Variants in MIGA1 observed in about 807,000 individuals in gnomAD.
The protein encoded by MIGA1 is mitoguardin 1.
MIGA1 carries 58 observed loss-of-function variants against 82.0 expected under a neutral mutation model. That is an observed-to-expected ratio of 0.71 (90% CI 0.57 to 0.88). The LOEUF (loss-of-function observed/expected upper bound fraction) is 0.88, where lower values mean the gene tolerates loss of function less well. MIGA1 is among the 40% of genes least tolerant of loss of function. The probability of loss-of-function intolerance (pLI) is 0.00; values close to 1 mark genes in which losing one functional copy is unlikely to be tolerated. For missense variants in MIGA1, 751 were observed against 749.1 expected (o/e 1.00, Z -0.03); for synonymous variants, 249 against 253.6 (o/e 0.98, Z 0.17).
In MIGA1 at chr1:77,872,987, C is replaced by G. The variant is rs747392209; in HGVS notation, c.1564-17C>G. The G allele has an allele frequency of 5.0e-6, 8 of 1,613,244 alleles. No individual in the cohort carries two copies. In the Admixed American group the frequency reaches 1.3e-4, roughly 27 times the overall value. ...AAGAAGGTAGAAGTAACTTGATTCT[C>G]CTTTACTTCCCAGCAGATCCCAGAT... On this transcript the variant is annotated splice_polypyrimidine_tract_variant and intron_variant, in intron 14 of 15. Coordinates refer to ENST00000370791, the MANE Select transcript of MIGA1 (RefSeq NM_198549.4).
In MIGA1 at chr1:77,801,350, C is replaced by A; in HGVS notation, c.215C>A (p.Ala72Asp). ...TTCCAGATCAAATTTTCTCCGGTGG[C>A]TAAAAAGTTGTTTGTGGTAACTGCA... The change falls in exon 3 of 16, where the codon GCT becomes GAT. Residue 72 changes from alanine (A) to aspartate (D), a missense_variant. Transcript: ENST00000370791. 6.4e-7 allele frequency: 1 copy of A among 1,550,392 alleles called. No individual in the cohort carries two copies.
At chr1:77,798,268 A>G (rs985977625) in intron 2 of MIGA1, among the ~76,000 whole-genome samples, 1 of 152,158 alleles carries the variant, frequency 6.6e-6, no homozygotes, top group African/African-American at 2.4e-5. Context: ...TGCCTTTTCC[A>G]GCTTCTGGTG....
chr1:77,807,223 G>A (rs752465268), intron 5 of MIGA1, 122 bp downstream of exon 5: 26 of 616,776 alleles, frequency 4.2e-5, no homozygotes, highest in African/African-American at 9.3e-5. Flanking sequence ...GTACGGTGGC[G>A]CGATTACTGC....
intron 2 of MIGA1, among the ~76,000 whole-genome samples, chr1:77,791,068 C>A (rs998741120): frequency 1.3e-5 from 2 of 151,898 alleles, no homozygotes; most frequent in African/African-American, 2.4e-5. Flanking sequence ...TATAGTGAGA[C>A]CTTGTCACTA....
At chr1:77,843,268 G>T (rs761812352) in intron 7 of MIGA1, 39 bp from the exon 8 acceptor site, 2 of 1,389,764 alleles carry the variant, frequency 1.4e-6, no homozygotes, top group South Asian at 2.3e-5. Flanking sequence ...CAATGATGTG[G>T]AATATCACTT....
chr1:77,827,496 A>G (rs1021639116), intron 7 of MIGA1, among the ~76,000 whole-genome samples: 6 of 152,082 alleles, frequency 3.9e-5, no homozygotes, highest in Non-Finnish European at 1.5e-5. Flanking sequence ...AAAATAAAAT[A>G]AAAAATTATC....
chr1:77,803,269 G>A lies in MIGA1; in HGVS notation c.374-1G>A. On this transcript the variant is annotated splice_acceptor_variant, in intron 3 of 15. Coordinates refer to ENST00000370791, the MANE Select transcript of MIGA1 (RefSeq NM_198549.4). LOFTEE classifies it high-confidence loss of function. ...TTAATATTAGTATGTTTATTTGATA[G>A]GTTCAAGTTGTTCCAGTAGCAGACA... The A allele has an allele frequency of 6.8e-7, 1 of 1,479,852 alleles. No homozygotes were observed. Among genetic ancestry groups the A allele is most frequent in the Non-Finnish European group, 9.0e-7 (1 of 1,112,636 alleles). The allele number at this position is 1,479,852 out of a possible 1,614,324, so 91.7% of individuals were successfully genotyped here.
Position 77,815,226 on chromosome 1 carries a change from A to G in MIGA1, c.890A>G (p.Asp297Gly), listed in dbSNP as rs1683527463. The G allele has an allele frequency of 1.3e-6, 2 of 1,595,190 alleles. No individual in the cohort carries two copies. The highest frequency in any genetic ancestry group is 2.7e-5 in the African/African-American group (2 of 74,370). ...TCTGATCCTAATTCCCTTGCTGATG[A>G]TATTGGTAAGATGGATATTTCATAT... is the stretch of plus-strand genomic sequence containing the variant. Residue 297 changes from aspartate (D) to glycine (G), a missense_variant, in exon 7 of 16, where the codon GAT (aspartate) becomes GGT (glycine). Asp to Gly is a moderately conservative substitution (Grantham distance 94, BLOSUM62 -1). Around this residue, in one of 3 missense-constraint regions of MIGA1, gnomAD observed 482 missense variants for 439.4 expected, o/e 1.10. Coordinates refer to ENST00000370791, the MANE Select transcript of MIGA1 (RefSeq NM_198549.4).
intron 6 of MIGA1, 60 bp downstream of exon 6, chr1:77,813,927 T>C (rs1683473027): frequency 1.9e-6 from 3 of 1,577,976 alleles, no homozygotes; most frequent in Non-Finnish European, 2.6e-6. Context: ...TTTTTTTTTG[T>C]TTTTTTGGTA....
intron 1 of MIGA1, chr1:77,782,803 C>G: frequency 1.1e-6 from 1 of 892,200 alleles, no homozygotes; most frequent in Non-Finnish European, 1.3e-6. Context: ...CCCCAAGATT[C>G]TGTTCCAGAT....
In MIGA1 at chr1:77,859,389, A is replaced by T. The variant is rs752816430; in HGVS notation, c.1188+3A>T. On this transcript the variant is annotated splice_donor_region_variant and intron_variant, in intron 10 of 15. Transcript: ENST00000370791. ...ACTGTATTCGACAGGCTTTTCAGGTATTTTTTTAACATTAAGTGACTTCAC... is the reference window on the plus strand; with the variant it reads ...ACTGTATTCGACAGGCTTTTCAGGTTTTTTTTTAACATTAAGTGACTTCAC... The T allele has an allele frequency of 2.5e-6, 4 of 1,611,980 alleles. No homozygotes were observed. The highest frequency in any genetic ancestry group is 8.5e-7 in the Non-Finnish European group (1 of 1,178,090).
chr1:77,822,387 A>G (rs1683850980), intron 7 of MIGA1, among the ~76,000 whole-genome samples: 1 of 152,152 alleles, frequency 6.6e-6, no homozygotes, highest in Admixed American at 6.6e-5. Context: ...GTTGGTACCT[A>G]TGCACTCTAG....
intron 2 of MIGA1, among the ~76,000 whole-genome samples, chr1:77,799,245 A>G (rs1170583761): frequency 6.6e-6 from 1 of 152,218 alleles, no homozygotes; most frequent in African/African-American, 2.4e-5. Context: ...ATGCACAACC[A>G]TTGCAAATTT....
intron 2 of MIGA1, among the ~76,000 whole-genome samples, chr1:77,790,371 A>G (rs1255916662): frequency 1.3e-5 from 2 of 152,156 alleles, no homozygotes; most frequent in African/African-American, 4.8e-5. Context: ...GGTTCAAGTG[A>G]TTCTCCTGCC....
At chr1:77,789,221 T>C (rs941551893) in intron 2 of MIGA1, among the ~76,000 whole-genome samples, 19 of 147,594 alleles carry the variant, frequency 1.3e-4, no homozygotes, top group Admixed American at 2.7e-4. Context: ...TTTTTTTTTT[T>C]CTTTGAGACG....
intron 7 of MIGA1, among the ~76,000 whole-genome samples, chr1:77,832,358 C>G (rs910827976): frequency 2.0e-5 from 3 of 152,082 alleles, no homozygotes. Flanking sequence ...GTATAAGACA[C>G]TGGAGAAATA....
intron 2 of MIGA1, among the ~76,000 whole-genome samples, chr1:77,791,327 C>T (rs1024038202): frequency 1.3e-5 from 2 of 148,584 alleles, no homozygotes; most frequent in Non-Finnish European, 3.0e-5. Flanking sequence ...GGCCTTTTTT[C>T]ACTCAGCATA....
chr1:77,780,174 G>C, intron 1 of MIGA1: 1 of 988,728 alleles, frequency 1.0e-6, no homozygotes, highest in Non-Finnish European at 1.2e-6. Context: ...CTGTGGGGTC[G>C]GGGGAGAGCG....
chr1:77,793,127 A>T (rs1557896183), intron 2 of MIGA1, among the ~76,000 whole-genome samples: 1 of 150,374 alleles, frequency 6.7e-6, no homozygotes. Context: ...TTTTTTAAAG[A>T]CAGGGTCTCT....
Sources: gnomAD v4.1 joint callset for allele counts (sites outside exome capture counted in the v4.1 genomes callset) on GRCh38, gnomAD v4.1.1 for gene constraint, gnomAD v4.1.1 regional missense constraint, MANE v1.5 for transcripts, NCBI Gene and HGNC (gene_info 2026-07-23, HGNC 2026-07-21) for gene names.